The following ZDHHC14 variants were observed in gnomAD, a reference collection of about 807,000 sequenced individuals.
ZDHHC14 encodes zDHHC palmitoyltransferase 14, also known as palmitoyltransferase ZDHHC14.
Under a neutral mutation model 47.7 loss-of-function variants are expected in ZDHHC14, and 16 were observed. The observed-to-expected ratio is 0.34, with a 90% CI of 0.23 to 0.51. The LOEUF is 0.51. ZDHHC14 is among the 20% of genes least tolerant of loss of function. ZDHHC14 has a pLI of 0.97. For missense variants in ZDHHC14, 515 were observed against 662.5 expected (o/e 0.78, Z 2.44); for synonymous variants, 293 against 278.9 (o/e 1.05, Z -0.50).
intron 1 of ZDHHC14, among the ~76,000 whole-genome samples, chr6:157,432,293 A>G (rs1483593032): frequency 6.6e-6 from 1 of 152,204 alleles, no homozygotes. Context: ...TTCTATCTCC[A>G]GGGCTTGACA....
In ZDHHC14 at chr6:157,451,946, G is replaced by T. The variant is rs1006944739; in HGVS notation, c.245+69680G>T. Among the ~76,000 whole-genome samples the T allele has an allele frequency of 3.9e-5, 6 of 152,332 alleles. No homozygotes were observed. The East Asian group carries it at 9.6e-4, about 24-fold the overall frequency. On this transcript the variant is annotated intron_variant, in intron 1 of 8. Coordinates refer to ENST00000359775, the MANE Select transcript of ZDHHC14 (RefSeq NM_024630.3). ...AGGGAACAAAAAGTGCCTGCTTGGG[G>T]TCCCTAGGAGTGGGGAGGTCCCTGG...
At chr6:157,469,844 G>C (rs1446018219) in intron 1 of ZDHHC14, among the ~76,000 whole-genome samples, 1 of 152,194 alleles carries the variant, frequency 6.6e-6, no homozygotes, top group Admixed American at 6.5e-5. Context: ...TTGGCAAACT[G>C]CTCTCATGTC....
chr6:157,578,681 G>A (rs149624388), intron 2 of ZDHHC14, among the ~76,000 whole-genome samples: 18 of 152,266 alleles, frequency 1.2e-4, no homozygotes, highest in South Asian at 2.1e-4. Context: ...TGCTGTTCTC[G>A]TGATAGTGGG....
chr6:157,500,160 G>T (rs932164938), intron 1 of ZDHHC14, among the ~76,000 whole-genome samples: 1 of 152,178 alleles, frequency 6.6e-6, no homozygotes, highest in Non-Finnish European at 1.5e-5. Flanking sequence ...TGAAAGAAGG[G>T]ATTGAGACTT....
chr6:157,487,166 C>T (rs1189532072), intron 1 of ZDHHC14, among the ~76,000 whole-genome samples: 1 of 152,232 alleles, frequency 6.6e-6, no homozygotes, highest in Non-Finnish European at 1.5e-5. Context: ...ACCCCTTTGA[C>T]CCCGGCCCTG....
At chr6:157,489,282 T>C (rs954201229) in intron 1 of ZDHHC14, among the ~76,000 whole-genome samples, 1 of 152,232 alleles carries the variant, frequency 6.6e-6, no homozygotes, top group Non-Finnish European at 1.5e-5. Context: ...GTGAACCCGA[T>C]ACATAGAACA....
chr6:157,591,084 A>C (rs1413736526), intron 2 of ZDHHC14, among the ~76,000 whole-genome samples: 3 of 152,192 alleles, frequency 2.0e-5, no homozygotes, highest in African/African-American at 7.2e-5. Context: ...CTGTACCCCC[A>C]TTGTATCTAG....
intron 1 of ZDHHC14, among the ~76,000 whole-genome samples, chr6:157,426,842 C>T (rs962361735): frequency 6.6e-6 from 1 of 152,176 alleles, no homozygotes; most frequent in Non-Finnish European, 1.5e-5. Flanking sequence ...ATTGGGAGGC[C>T]GTTCACCTCC....
intron 1 of ZDHHC14, among the ~76,000 whole-genome samples, chr6:157,474,948 T>C (rs1354905809): frequency 6.6e-6 from 1 of 152,202 alleles, no homozygotes; most frequent in Admixed American, 6.5e-5. Flanking sequence ...CCTGTGCTTT[T>C]GGGGTCACAT....
At chr6:157,600,471 G>A (rs1784298420) in intron 3 of ZDHHC14, among the ~76,000 whole-genome samples, 1 of 152,186 alleles carries the variant, frequency 6.6e-6, no homozygotes, top group South Asian at 2.1e-4. Flanking sequence ...CCAGGCTGGA[G>A]TGCAGCTCAC....
intron 1 of ZDHHC14, 31 bp from the exon 2 acceptor site, chr6:157,542,554 C>G (rs751752819): frequency 6.9e-6 from 11 of 1,600,116 alleles, no homozygotes; most frequent in Non-Finnish European, 9.4e-6. Context: ...TTCTTTTCCC[C>G]TTCTCTCCGG....
In ZDHHC14 at chr6:157,597,146, A is replaced by T. The variant is rs908314030; in HGVS notation, c.565+4000A>T. 7.2e-5 allele frequency among the ~76,000 whole-genome samples: 11 copies of T among 152,134 alleles called. No homozygotes were observed. The South Asian group carries it at 1.9e-3, about 26-fold the overall frequency. On this transcript the variant is annotated intron_variant, in intron 3 of 8. Transcript: ENST00000359775. ...TGTTTATTTATCCAGGCGGGCTTTG[A>T]GGTTACGGAATATTTTTAAACAACC...
Position 157,423,886 on chromosome 6 carries a change from C to T in ZDHHC14, c.245+41620C>T, listed in dbSNP as rs1489267341. 2.0e-5 allele frequency among the ~76,000 whole-genome samples: 3 copies of T among 152,172 alleles called. No individual in the cohort carries two copies. The East Asian group carries it at 5.8e-4, about 29-fold the overall frequency. ...CCCAGACCTGCAGACTCTGACCCCCCAGGCGATTCGTGTGCAATATGAGGT... is the reference window on the plus strand; with the variant it reads ...CCCAGACCTGCAGACTCTGACCCCCTAGGCGATTCGTGTGCAATATGAGGT... On this transcript the variant is annotated intron_variant, in intron 1 of 8. Transcript: ENST00000359775.
In ZDHHC14 at chr6:157,452,149, A is replaced by G. The variant is rs140097674; in HGVS notation, c.245+69883A>G. On this transcript the variant is annotated intron_variant, in intron 1 of 8. Coordinates refer to ENST00000359775, the MANE Select transcript of ZDHHC14 (RefSeq NM_024630.3). ...TAGCCCCTCCTTCCAGTCAAACTTG[A>G]CCTTGGACCAGACAGATTTATAGTC... 8.3e-3 allele frequency among the ~76,000 whole-genome samples: 1,266 copies of G among 152,116 alleles called. 20 individuals carry two copies. The highest frequency in any genetic ancestry group is 0.029 in the African/African-American group (1,221 of 41,512).
intron 1 of ZDHHC14, among the ~76,000 whole-genome samples, chr6:157,516,541 T>G (rs924506453): frequency 6.6e-6 from 1 of 152,206 alleles, no homozygotes; most frequent in African/African-American, 2.4e-5. Flanking sequence ...CGTAGTTGAG[T>G]GAATTATTCG....
chr6:157,599,093 G>T (rs576680592), intron 3 of ZDHHC14, among the ~76,000 whole-genome samples: 1 of 152,270 alleles, frequency 6.6e-6, no homozygotes, highest in South Asian at 2.1e-4. Context: ...AAAATATTTA[G>T]AAAATGGCAG....
intron 2 of ZDHHC14, among the ~76,000 whole-genome samples, chr6:157,563,287 C>G (rs143983183): frequency 0.025 from 3,859 of 152,336 alleles, 177 homozygotes; most frequent in African/African-American, 0.089. Context: ...GGCCCCTGCC[C>G]GAGCTTGGCC....
At chr6:157,467,056 G>A (rs970845272) in intron 1 of ZDHHC14, among the ~76,000 whole-genome samples, 1 of 151,852 alleles carries the variant, frequency 6.6e-6, no homozygotes, top group Non-Finnish European at 1.5e-5. Context: ...AACCCCATAA[G>A]GCATGTTCCC....
chr6:157,540,888 A>ATGTGTGTGTGTG (rs1171821046), intron 1 of ZDHHC14, among the ~76,000 whole-genome samples: 16 of 127,600 alleles, frequency 1.3e-4, no homozygotes, highest in African/African-American at 5.8e-4. Flanking sequence ...ATATGTATGT[A>ATGTGTGTGTGTG]TGTGTGTGTG....
Sources: allele counts gnomAD v4.1 joint callset (sites outside exome capture counted in the v4.1 genomes callset), GRCh38; gene constraint gnomAD v4.1.1; transcripts MANE v1.5; gene names NCBI Gene and HGNC (gene_info 2026-07-23, HGNC 2026-07-21).